GLIS3: variants seen among roughly 807,000 people sequenced by gnomAD.
GLIS3 encodes GLIS family zinc finger 3, also known as zinc finger protein GLIS3.
GLIS3 carries 53 observed loss-of-function variants against 78.6 expected under a neutral mutation model. The ratio of observed to expected loss-of-function variants is 0.67; its 90% CI spans 0.54 to 0.85. The LOEUF is 0.85. Ranked by LOEUF, GLIS3 falls within the 40% of genes least tolerant of loss-of-function variation. The pLI is 0.00. For missense variants in GLIS3, 1,703 were observed against 1,231.1 expected, an observed-to-expected ratio of 1.38 and a Z score of -5.74; for synonymous variants, 684 against 509.9, an observed-to-expected ratio of 1.34 and a Z score of -4.60.
intron 2 of GLIS3, among the ~76,000 whole-genome samples, chr9:4,322,056 G>T (rs996365653): frequency 1.2e-4 from 18 of 152,022 alleles, no homozygotes; most frequent in African/African-American, 4.4e-4. Context: ...AGGCCCTGGT[G>T]TGTGATGTTC....
chr9:4,123,618 G>C (rs934177533), intron 3 of GLIS3: 5 of 375,104 alleles, frequency 1.3e-5, no homozygotes, highest in Non-Finnish European at 2.4e-5. Context: ...GATGTTGAAA[G>C]AGGCTTTTAT....
At chr9:3,828,492 C>G in intron 10 of GLIS3, 84 bp from the exon 11 acceptor site, 1 of 1,564,706 alleles carries the variant, frequency 6.4e-7, no homozygotes, top group East Asian at 2.3e-5. Flanking sequence ...ATGCAGCTCA[C>G]CAAGTGAGGA....
At chr9:4,131,148 T>G (rs1398104043) in intron 2 of GLIS3, among the ~76,000 whole-genome samples, 1 of 152,238 alleles carries the variant, frequency 6.6e-6, no homozygotes, top group Non-Finnish European at 1.5e-5. Flanking sequence ...TTACCCAATG[T>G]CTGTACCTCC....
At chr9:3,949,404 C>T (rs1273531086) in intron 4 of GLIS3, among the ~76,000 whole-genome samples, 1 of 152,114 alleles carries the variant, frequency 6.6e-6, no homozygotes, top group Admixed American at 6.5e-5. Flanking sequence ...ACTCAGAAGC[C>T]TGGGCTGCTG....
chr9:4,279,061 G>A (rs1057390431), intron 2 of GLIS3, among the ~76,000 whole-genome samples: 1 of 152,028 alleles, frequency 6.6e-6, no homozygotes, highest in Non-Finnish European at 1.5e-5. Flanking sequence ...CAGCACTTTG[G>A]GAGGCTGAGG....
intron 6 of GLIS3, among the ~76,000 whole-genome samples, chr9:3,912,295 G>A (rs1824208020): frequency 2.0e-5 from 3 of 152,088 alleles, no homozygotes; most frequent in African/African-American, 4.8e-5. Context: ...CTAGCGTCCC[G>A]GGGCAGTCTC....
intron 4 of GLIS3, among the ~76,000 whole-genome samples, chr9:4,112,794 G>C (rs898549320): frequency 6.6e-6 from 1 of 151,926 alleles, no homozygotes; most frequent in African/African-American, 2.4e-5. Context: ...TTTCAAATAG[G>C]CAGTAAAGTA....
intron 4 of GLIS3, among the ~76,000 whole-genome samples, chr9:3,965,451 C>T (rs970164900): frequency 6.6e-6 from 1 of 152,160 alleles, no homozygotes; most frequent in African/African-American, 2.4e-5. Context: ...GCCTCAGCCT[C>T]CCAAAGCGCT....
intron 4 of GLIS3, among the ~76,000 whole-genome samples, chr9:3,970,729 C>T (rs187479015): frequency 6.6e-6 from 1 of 152,294 alleles, no homozygotes; most frequent in Admixed American, 6.5e-5. Flanking sequence ...AAACCTCTCA[C>T]TCAGCACAGT....
At chr9:4,206,267 A>G (rs1465121477) in intron 2 of GLIS3, among the ~76,000 whole-genome samples, 1 of 152,242 alleles carries the variant, frequency 6.6e-6, no homozygotes, top group African/African-American at 2.4e-5. Flanking sequence ...AGAGGTGGAA[A>G]TGTTTCACTG....
At chr9:4,472,621 G>C in the GLIS3 span, among the ~76,000 whole-genome samples, 6 of 151,522 alleles carry the variant, frequency 4.0e-5, no homozygotes, top group East Asian at 3.9e-4. Flanking sequence ...GTGTGGGGAG[G>C]GGGGAGGGAT....
chr9:4,364,710 T>TTATATA, the GLIS3 span, among the ~76,000 whole-genome samples: 20 of 134,378 alleles, frequency 1.5e-4, no homozygotes, highest in South Asian at 7.2e-4. Context: ...TTATTACACT[T>TTATATA]TATATATATA....
At position 4,331,886 on chromosome 9, in the gene GLIS3, G is replaced by A. The variant is rs891261222; in HGVS notation, n.264+15195C>T. Among the ~76,000 whole-genome samples the A allele has an allele frequency of 2.6e-5, 4 of 152,108 alleles. No individual in the cohort carries two copies. In the South Asian group the frequency reaches 8.3e-4, roughly 32 times the overall value. ...CAAGAGAAAATATGATTTATTACAG[G>A]AACAAAAAGAAATTCAAAATGCCCA... On this transcript the variant is annotated intron_variant and non_coding_transcript_variant, in intron 2 of 4. Coordinates refer to the GLIS3 transcript ENST00000471664.
intron 8 of GLIS3, among the ~76,000 whole-genome samples, chr9:3,856,427 C>T (rs1452389227): frequency 1.3e-5 from 2 of 152,204 alleles, no homozygotes; most frequent in Non-Finnish European, 2.9e-5. Flanking sequence ...AAAACCTACT[C>T]ACAGTTTGGG....
intron 2 of GLIS3, among the ~76,000 whole-genome samples, chr9:4,258,640 T>G (rs1049177879): frequency 2.0e-5 from 3 of 152,230 alleles, no homozygotes; most frequent in East Asian, 3.8e-4. Context: ...AGGGGAACCA[T>G]GTTCACTTGT....
chr9:4,415,659 C>A, the GLIS3 span, among the ~76,000 whole-genome samples: 1 of 152,120 alleles, frequency 6.6e-6, no homozygotes, highest in African/African-American at 2.4e-5. Flanking sequence ...GCAAATGTGA[C>A]CTTACAACAA....
chr9:4,373,367 G>A, the GLIS3 span, among the ~76,000 whole-genome samples: 3 of 152,136 alleles, frequency 2.0e-5, no homozygotes, highest in Non-Finnish European at 2.9e-5. Context: ...ATTCACTGAA[G>A]AACTACTAAT....
chr9:4,042,284 ACATTATCAAGCC>A (rs553502525), intron 4 of GLIS3, among the ~76,000 whole-genome samples: 42 of 152,290 alleles, frequency 2.8e-4, no homozygotes, highest in Admixed American at 7.2e-4. Flanking sequence ...CAAGATGTAA[ACATTATCAAGCC>A]CAAGGGTCAG....
At chr9:4,036,844 C>A (rs2130324966) in intron 4 of GLIS3, among the ~76,000 whole-genome samples, 1 of 152,262 alleles carries the variant, frequency 6.6e-6, no homozygotes, top group Non-Finnish European at 1.5e-5. Context: ...AAAATCCCTC[C>A]CTACTCCTTG....
Sources: allele counts gnomAD v4.1 joint callset (sites outside exome capture counted in the v4.1 genomes callset), GRCh38; gene constraint gnomAD v4.1.1; transcripts MANE v1.5; gene names NCBI Gene and HGNC (gene_info 2026-07-23, HGNC 2026-07-21).